HELZ: variants seen among roughly 807,000 people sequenced by gnomAD.
HELZ encodes ATP-dependent RNA helicase with zinc finger domain.
HELZ carries 23 observed loss-of-function variants against 218.2 expected under a neutral mutation model. The ratio of observed to expected loss-of-function variants is 0.11; its 90% CI spans 0.08 to 0.15. The LOEUF (loss-of-function observed/expected upper bound fraction) is 0.15, where lower values mean the gene tolerates loss of function less well. Ranked by LOEUF, HELZ falls within the 10% of genes least tolerant of loss-of-function variation. HELZ has a pLI of 1.00. For missense variants in HELZ, 1,813 were observed against 2,353.7 expected (o/e 0.77, Z 4.75); for synonymous variants, 814 against 829.4 (o/e 0.98, Z 0.32).
rs1555587424 is a variant in HELZ at position 67,073,107 on chromosome 17, TC to T, written c.*5144del. The T allele has an allele frequency of 6.6e-6, 1 of 152,254 alleles. No homozygotes were observed. Among genetic ancestry groups the T allele is most frequent in the Non-Finnish European group, 1.5e-5 (1 of 68,046 alleles). The allele number at this position is 152,254 out of a possible 1,614,324, so 9.4% of individuals were successfully genotyped here. ...GATCTGTAAATAGTACTATGTGACT[TC>T]TACTCTGTGTTGCAACCTATGTAAT... is the stretch of plus-strand genomic sequence containing the variant. On this transcript the variant is annotated 3_prime_UTR_variant, in exon 33 of 33. Transcript: ENST00000358691.
At chr17:67,095,939 T>C (rs2036730533) in intron 31 of HELZ, among the ~76,000 whole-genome samples, 2 of 152,206 alleles carry the variant, frequency 1.3e-5, no homozygotes, top group African/African-American at 4.8e-5. Flanking sequence ...GTGGCAGCTA[T>C]AGCCTTACAA....
intron 27 of HELZ, 146 bp from the exon 28 acceptor site, chr17:67,114,549 TA>T: frequency 1.9e-6 from 1 of 529,686 alleles, no homozygotes; most frequent in Non-Finnish European, 3.3e-6. Context: ...GTTTTGTTCT[TA>T]AATTTTCAGA....
rs2038669650 is a variant in HELZ, at chr17:67,151,150, T to C, written c.2252A>G (p.His751Arg). 1 of 1,614,034 alleles carries C rather than the reference T, an allele frequency of 6.2e-7. No individual in the cohort carries two copies. The highest frequency in any genetic ancestry group is 8.5e-7 in the Non-Finnish European group (1 of 1,179,894). ...VHQYCLISSA[H>R]STFQMPQKED... Reference sequence around the variant, plus strand: ...TTTCTGGGGCATCTGAAAGGTGGAATGTGCGCTTGAGATCAAACAGTACTG... The same window carrying C: ...TTTCTGGGGCATCTGAAAGGTGGAACGTGCGCTTGAGATCAAACAGTACTG... The change falls in exon 18 of 33, where the codon CAT becomes CGT. Residue 751 changes from histidine (H) to arginine (R), a missense_variant. Physicochemically the swap from His to Arg is conservative, Grantham distance 29 (BLOSUM62 0). This residue lies in a region of HELZ where 714 missense variants were observed against 1,029.2 expected (regional missense o/e 0.69). Transcript: ENST00000358691.
chr17:67,181,108 A>G (rs1028444497), intron 12 of HELZ, among the ~76,000 whole-genome samples: 1 of 152,146 alleles, frequency 6.6e-6, no homozygotes, highest in East Asian at 1.9e-4. Flanking sequence ...GAATCTATTT[A>G]GTATGTAGCT....
At chr17:67,239,531 A>G (rs967211917) in intron 2 of HELZ, 42 bp from the exon 3 acceptor site, 1 of 152,242 alleles carries the variant, frequency 6.6e-6, no homozygotes, top group Non-Finnish European at 1.5e-5. Flanking sequence ...CATAGTAGAA[A>G]ACACCATTCA....
At chr17:67,156,821 T>C (rs2038857026) in intron 17 of HELZ, among the ~76,000 whole-genome samples, 2 of 151,328 alleles carry the variant, frequency 1.3e-5, no homozygotes, top group African/African-American at 4.9e-5. Flanking sequence ...AAAAAAGTGG[T>C]TTTTCAAATT....
intron 7 of HELZ, among the ~76,000 whole-genome samples, chr17:67,195,838 C>CTTTTTTTTTTTTTTTTTTTTTTTTT (rs66827855): frequency 9.8e-6 from 1 of 101,544 alleles, no homozygotes; most frequent in Non-Finnish European, 1.8e-5. Flanking sequence ...GTTTCTTTTC[C>CTTTTTTTTTTTTTTTTTTTTTTTTT]TTTTTTTTTT....
At chr17:67,118,754 A>G (rs921907535) in intron 27 of HELZ, among the ~76,000 whole-genome samples, 3 of 151,378 alleles carry the variant, frequency 2.0e-5, no homozygotes, top group African/African-American at 4.8e-5. Flanking sequence ...TTCTAAATAT[A>G]TATCTCATTA....
rs1346944657 is a variant in HELZ, at chr17:67,108,397, G to A, written c.4724+95C>T. 1.1e-6 allele frequency: 1 copy of A among 881,032 alleles called. No homozygotes were observed. Among genetic ancestry groups the A allele is most frequent in the African/African-American group, 1.6e-5 (1 of 60,722 alleles). The allele number at this position is 881,032 out of a possible 1,614,324, so 54.6% of individuals were successfully genotyped here. A position where few individuals can be genotyped will look rare whatever the true frequency, so the allele number is the denominator to read the frequency against. ...AAGGCCAGCATCCAATTTCTCTGAG[G>A]CAATATTCCAGCTTGAAGCTAAAAG... is the stretch of plus-strand genomic sequence containing the variant. On this transcript the variant is annotated intron_variant, in intron 30 of 32. Coordinates refer to ENST00000358691, the MANE Select transcript of HELZ (RefSeq NM_014877.4). The surrounding 1 kb of genome is among the most constrained non-coding windows in gnomAD (Gnocchi z 4.1).
At chr17:67,086,444 G>A (rs2036374854) in intron 32 of HELZ, among the ~76,000 whole-genome samples, 1 of 151,284 alleles carries the variant, frequency 6.6e-6, no homozygotes, top group African/African-American at 2.4e-5. Flanking sequence ...AGCCAGGCGT[G>A]GGTGTGTGTG....
At chr17:67,213,536 C>T (rs1456704642) in intron 5 of HELZ, among the ~76,000 whole-genome samples, 2 of 152,114 alleles carry the variant, frequency 1.3e-5, no homozygotes, top group Non-Finnish European at 2.9e-5. Flanking sequence ...GCAGGAGAAT[C>T]ACTTGAACCT....
intron 13 of HELZ, among the ~76,000 whole-genome samples, chr17:67,177,963 T>G (rs2039506906): frequency 6.6e-6 from 1 of 152,122 alleles, no homozygotes; most frequent in Admixed American, 6.5e-5. Context: ...AAACTACTTA[T>G]AAAAATGTAT....
intron 12 of HELZ, among the ~76,000 whole-genome samples, chr17:67,186,362 G>A (rs1278004247): frequency 2.0e-5 from 3 of 152,028 alleles, no homozygotes; most frequent in Admixed American, 6.6e-5. Flanking sequence ...ATGTTTCCCC[G>A]TGAAGCCCAG....
intron 2 of HELZ, among the ~76,000 whole-genome samples, chr17:67,243,036 C>T (rs1486378947): frequency 6.6e-6 from 1 of 151,908 alleles, no homozygotes; most frequent in Non-Finnish European, 1.5e-5. Flanking sequence ...GTTGAGAAAA[C>T]TCGTGAAAAA....
At chr17:67,160,820 C>T (rs2038974072) in intron 16 of HELZ, 77 bp downstream of exon 16, 13 of 1,066,228 alleles carry the variant, frequency 1.2e-5, no homozygotes, top group Non-Finnish European at 1.5e-5. Flanking sequence ...GTCTTGCTAG[C>T]CCTCATTGTG....
chr17:67,098,070 A>G (rs1567797351), intron 31 of HELZ, among the ~76,000 whole-genome samples: 1 of 152,246 alleles, frequency 6.6e-6, no homozygotes, highest in Non-Finnish European at 1.5e-5. Context: ...CAGAAAAAAT[A>G]AAAGGCAAAT....
chr17:67,115,261 A>T (rs978012534), intron 27 of HELZ, among the ~76,000 whole-genome samples: 3 of 152,094 alleles, frequency 2.0e-5, no homozygotes, highest in Non-Finnish European at 4.4e-5. Flanking sequence ...ACCCAAAATG[A>T]AACATGAAGA....
chr17:67,245,142 A>C lies in HELZ; in HGVS notation c.-132+6T>G, dbSNP rs1006890732. 8.1e-6 allele frequency: 8 copies of C among 984,780 alleles called. No homozygotes were observed. The highest frequency in any genetic ancestry group is 9.6e-6 in the Non-Finnish European group (8 of 829,850). 61.0% of individuals were successfully genotyped at this position (984,780 alleles called of 1,614,324 possible). A position where few individuals can be genotyped will look rare whatever the true frequency, so the allele number is the denominator to read the frequency against. On this transcript the variant is annotated splice_donor_region_variant and intron_variant, in intron 1 of 32. Coordinates refer to ENST00000358691, the MANE Select transcript of HELZ (RefSeq NM_014877.4). ...AGGAGCAGAGAAGGGGGAAGTCAGGACTTACCTGTCATTACTTTCTACGCC... is the reference window on the plus strand; with the variant it reads ...AGGAGCAGAGAAGGGGGAAGTCAGGCCTTACCTGTCATTACTTTCTACGCC...
chr17:67,216,558 T>G (rs1391298840), intron 4 of HELZ, among the ~76,000 whole-genome samples: 1 of 152,210 alleles, frequency 6.6e-6, no homozygotes, highest in Non-Finnish European at 1.5e-5. Context: ...CTTTCTCTTT[T>G]TTTTCTTTAG....
Sources: gnomAD v4.1 joint callset for allele counts (sites outside exome capture counted in the v4.1 genomes callset) on GRCh38, gnomAD v4.1.1 for gene constraint, gnomAD v4.1.1 regional missense constraint, Gnocchi (gnomAD v3.1) non-coding constraint, MANE v1.5 for transcripts, NCBI Gene and HGNC (gene_info 2026-07-23, HGNC 2026-07-21) for gene names.